The following CD207 variants were observed in gnomAD, a reference collection of about 807,000 sequenced individuals.
The protein encoded by CD207 is CD207 molecule.
In CD207, 28 loss-of-function variants were observed where a neutral mutation model predicts 31.6. That is an observed-to-expected ratio of 0.89 (90% CI 0.66 to 1.21). The LOEUF is 1.21. CD207 is among the 50% of genes most tolerant of loss of function. The probability of loss-of-function intolerance (pLI) is 0.00; values close to 1 mark genes in which losing one functional copy is unlikely to be tolerated. For missense variants in CD207, 388 were observed against 397.8 expected, an observed-to-expected ratio of 0.98 and a Z score of 0.21; for synonymous variants, 168 against 153.9, an observed-to-expected ratio of 1.09 and a Z score of -0.68.
In CD207 at chr2:70,830,357, G is replaced by T. The variant is rs1370641813; in HGVS notation, c.*693C>A. 6.5e-6 allele frequency: 1 copy of T among 152,898 alleles called. No individual in the cohort carries two copies. The highest frequency in any genetic ancestry group is 1.5e-5 in the Non-Finnish European group (1 of 68,426). The allele number at this position is 152,898 out of a possible 1,614,324, so 9.5% of individuals were successfully genotyped here. ...AGGTGCCGGAGAGGTGAGGACAGGG[G>T]CTGGATGGACGCTGGGTGGAAGGCA... is the stretch of plus-strand genomic sequence containing the variant. On this transcript the variant is annotated 3_prime_UTR_variant, in exon 6 of 6. Transcript: ENST00000410009.
At chr2:70,832,760 G>T in intron 4 of CD207, 140 bp downstream of exon 4, 1 of 818,408 alleles carries the variant, frequency 1.2e-6, no homozygotes. Context: ...GCCCTTATTC[G>T]ACATGCTACT....
chr2:70,825,773 T>C (rs546209623), downstream of CD207, among the ~76,000 whole-genome samples: 3 of 152,062 alleles, frequency 2.0e-5, no homozygotes, highest in Non-Finnish European at 4.4e-5. Context: ...ACTCTTGTGA[T>C]CAAGTGATTC....
chr2:70,834,083 G>T, intron 2 of CD207, 63 bp from the exon 3 acceptor site: 3 of 1,403,936 alleles, frequency 2.1e-6, no homozygotes, highest in Non-Finnish European at 2.8e-6. Context: ...TGGGGGTGTT[G>T]TCAGGTTGAT....
rs1286783509 is a variant in CD207 at position 70,832,770 on chromosome 2, T to C, written c.717+130A>G. 3.2e-6 allele frequency: 3 copies of C among 948,952 alleles called. No homozygotes were observed. In the East Asian group the frequency reaches 7.8e-5, roughly 25 times the overall value. The allele number at this position is 948,952 out of a possible 1,614,324, so 58.8% of individuals were successfully genotyped here. A position where few individuals can be genotyped will look rare whatever the true frequency, so the allele number is the denominator to read the frequency against. On this transcript the variant is annotated intron_variant, in intron 4 of 5. Transcript: ENST00000410009. Reference sequence around the variant, plus strand: ...TGCCGGCCCTTATTCGACATGCTACTGAGAACCAATCCTTCTTCATTAGGT... The same window carrying C: ...TGCCGGCCCTTATTCGACATGCTACCGAGAACCAATCCTTCTTCATTAGGT...
intron 4 of CD207, among the ~76,000 whole-genome samples, chr2:70,832,180 G>A (rs1015879669): frequency 3.3e-5 from 5 of 152,206 alleles, no homozygotes; most frequent in East Asian, 1.9e-4. Flanking sequence ...GTGCTGAGTC[G>A]TCCATATGCA....
rs1553400843 is a variant in CD207, at chr2:70,835,488, T to C, written c.190+3A>G. The C allele has an allele frequency of 5.6e-6, 9 of 1,608,200 alleles. No individual in the cohort carries two copies. The highest frequency in any genetic ancestry group is 7.7e-6 in the Non-Finnish European group (9 of 1,175,548). On this transcript the variant is annotated splice_donor_region_variant and intron_variant, in intron 2 of 5. Transcript: ENST00000410009. ...GCCCAGACGATGAAACATGAGGACT[T>C]ACAAAGGACGGCCTGCAGCAGGACG...
At chr2:70,826,898 C>G (rs988912240), downstream of CD207, among the ~76,000 whole-genome samples, 4 of 152,210 alleles carry the variant, frequency 2.6e-5, no homozygotes, top group Non-Finnish European at 4.4e-5. Context: ...TGTCACGCTT[C>G]TTCAACACTA....
rs1462677384 is a variant in CD207, at chr2:70,832,848, TG to T, written c.717+51del. On this transcript the variant is annotated intron_variant, in intron 4 of 5. Coordinates refer to ENST00000410009, the MANE Select transcript of CD207 (RefSeq NM_015717.5). The stretch of plus-strand genomic sequence containing the variant: ...GCAGTATAATCTTGCCCATCCTCCC[TG>T]GCCCAGTGCTCATACGCCCCCTTCA... 1.7e-5 allele frequency: 26 copies of T among 1,538,624 alleles called. No homozygotes were observed. The Admixed American group carries it at 5.1e-4, about 30-fold the overall frequency.
At chr2:70,833,098 GGGATGCT>G (rs782480669) in intron 3 of CD207, 47 bp from the exon 4 acceptor site, 12 of 1,602,886 alleles carry the variant, frequency 7.5e-6, no homozygotes, top group African/African-American at 1.3e-5. Flanking sequence ...TTGATTTCTT[GGGATGCT>G]GGCTTGGTGG....
the CD207 span, among the ~76,000 whole-genome samples, chr2:70,824,619 T>A: frequency 5.1e-4 from 7 of 13,858 alleles, no homozygotes; most frequent in Non-Finnish European, 1.4e-3. Context: ...GATGCTTAGT[T>A]ACCAAAAAAA....
chr2:70,827,637 T>A (rs11126301), downstream of CD207, among the ~76,000 whole-genome samples: 11 of 152,008 alleles, frequency 7.2e-5, no homozygotes, highest in Admixed American at 2.6e-4. Context: ...CACACGTGTG[T>A]GCGCGCACAC....
At chr2:70,829,403 A>G (rs1367183492), downstream of CD207, among the ~76,000 whole-genome samples, 3 of 152,246 alleles carry the variant, frequency 2.0e-5, no homozygotes, top group African/African-American at 7.2e-5. Context: ...TGAACCAGCC[A>G]GGGCTGTGGG....
At position 70,831,329 on chromosome 2, in the gene CD207, C is replaced by A. The variant is rs192597607; in HGVS notation, c.837-129G>T. ...GAATGGCATAGCAAATGTCTGCACC[C>A]AAGCCTCAGAGGAAGGGGACTGGTG... On this transcript the variant is annotated intron_variant, in intron 5 of 5. Transcript: ENST00000410009. 4.6e-4 allele frequency: 421 copies of A among 918,220 alleles called. 6 individuals carry two copies. The Admixed American group carries it at 7.1e-3, about 15-fold the overall frequency. 56.9% of individuals were successfully genotyped at this position (918,220 alleles called of 1,614,324 possible).
At chr2:70,828,652 C>T (rs1677400120), downstream of CD207, among the ~76,000 whole-genome samples, 1 of 152,198 alleles carries the variant, frequency 6.6e-6, no homozygotes, top group South Asian at 2.1e-4. Context: ...TCTCTGCCAA[C>T]TATAATCCTC....
chr2:70,825,401 C>T (rs1558624702), downstream of CD207, among the ~76,000 whole-genome samples: 1 of 152,242 alleles, frequency 6.6e-6, no homozygotes, highest in East Asian at 1.9e-4. Flanking sequence ...TAAATATTGG[C>T]TCATTAATTG....
chr2:70,832,380 A>C (rs781963322), intron 4 of CD207, among the ~76,000 whole-genome samples: 1 of 152,190 alleles, frequency 6.6e-6, no homozygotes, highest in Admixed American at 6.5e-5. Flanking sequence ...CTCCCAGATG[A>C]AAAGGGCCTG....
At position 70,831,792 on chromosome 2, in the gene CD207, G is replaced by A; in HGVS notation, c.745C>T (p.Leu249Phe). 1 of 1,612,488 alleles carries A rather than the reference G, an allele frequency of 6.2e-7. No individual in the cohort carries two copies. The highest frequency in any genetic ancestry group is 1.7e-5 in the Admixed American group (1 of 60,014). The change falls in exon 5 of 6, where the codon CTC (leucine) becomes TTC (phenylalanine). Residue 249 changes from leucine to phenylalanine, a missense_variant. Transcript: ENST00000410009. ...QEFLYKTAGG[L>F]IYWIGLTKAG... ...TTAGTCAGGCCAATCCAGTAGATGA[G>A]TCCCCCCGCTGTTTTATACAGAAAC...
In CD207 at chr2:70,833,977, G is replaced by A. The variant is rs17662453; in HGVS notation, c.234C>T (p.Val78=). The A allele has an allele frequency of 0.21, 315,493 of 1,529,632 alleles. 33,628 individuals carry two copies. The highest frequency in any genetic ancestry group is 0.25 in the Admixed American group (11,996 of 48,086). 94.8% of individuals were successfully genotyped at this position (1,529,632 alleles called of 1,614,324 possible). Reference sequence around the variant, plus strand: ...TGTCCACACGACCTTTCAGCAACTGGACATTGGTCTTTACATCTGATATGG... The same window carrying A: ...TGTCCACACGACCTTTCAGCAACTGAACATTGGTCTTTACATCTGATATGG... ...MGTISDVKTN[V]QLLKGRVDNI... Residue 78 remains valine (V), a synonymous_variant, in exon 3 of 6, where the codon GTC becomes GTT. Coordinates refer to ENST00000410009, the MANE Select transcript of CD207 (RefSeq NM_015717.5).
chr2:70,824,250 C>A, the CD207 span, among the ~76,000 whole-genome samples: 16 of 146,146 alleles, frequency 1.1e-4, no homozygotes, highest in African/African-American at 4.0e-4. Context: ...AATACAGCAA[C>A]AACAATTCAA....
Sources: gnomAD v4.1 joint callset for allele counts (sites outside exome capture counted in the v4.1 genomes callset) on GRCh38, gnomAD v4.1.1 for gene constraint, MANE v1.5 for transcripts, NCBI Gene and HGNC (gene_info 2026-07-23, HGNC 2026-07-21) for gene names.